ATG7: variants seen among roughly 807,000 people sequenced by gnomAD.
The protein encoded by ATG7 is autophagy related 7, also known as ubiquitin-like modifier-activating enzyme ATG7.
In ATG7, 70 loss-of-function variants were observed where a neutral mutation model predicts 82.4. The observed-to-expected ratio is 0.85, with a 90% CI of 0.70 to 1.04. ATG7 has a LOEUF of 1.04. Ranked by LOEUF, ATG7 falls within the 50% of genes least tolerant of loss-of-function variation. The pLI is 0.00. For missense variants in ATG7, 792 were observed against 864.3 expected (o/e 0.92, Z 1.05); for synonymous variants, 287 against 313.0 (o/e 0.92, Z 0.88).
In ATG7 at chr3:11,521,887, A is replaced by G. The variant is rs899948900; in HGVS notation, c.2080-32924A>G. Among the ~76,000 whole-genome samples, 5 of 152,130 alleles carry G rather than the reference A, an allele frequency of 3.3e-5. No homozygotes were observed. In the South Asian group the frequency reaches 1.0e-3, roughly 32 times the overall value. ...AAGTTTTGTGGGGAATTTTCCTGACATGGAATGACTCTAGACTGCCGCCGC... is the reference window on the plus strand; with the variant it reads ...AAGTTTTGTGGGGAATTTTCCTGACGTGGAATGACTCTAGACTGCCGCCGC... On this transcript the variant is annotated intron_variant, in intron 20 of 20. Transcript: ENST00000693202.
intron 20 of ATG7, among the ~76,000 whole-genome samples, chr3:11,533,615 G>A (rs73123036): frequency 0.016 from 2,364 of 148,610 alleles, 67 homozygotes; most frequent in African/African-American, 0.056. Context: ...CTGAAATGAC[G>A]AAAAACTCAT....
chr3:11,522,466 A>C (rs1575177600), intron 20 of ATG7, among the ~76,000 whole-genome samples: 1 of 146,160 alleles, frequency 6.8e-6, no homozygotes, highest in African/African-American at 2.4e-5. Flanking sequence ...ACGATTTATT[A>C]GTGAGATGAG....
rs902194298 is a variant in ATG7 at position 11,477,039 on chromosome 3, C to T, written c.2079+50113C>T. 41 of 1,193,912 alleles carry T rather than the reference C, an allele frequency of 3.4e-5. No individual in the cohort carries two copies. The Admixed American group carries it at 9.3e-4, about 27-fold the overall frequency. 74.0% of individuals were successfully genotyped at this position (1,193,912 alleles called of 1,614,324 possible). A position where few individuals can be genotyped will look rare whatever the true frequency, so the allele number is the denominator to read the frequency against. ...TGGCAGTCATTAAATGATTGTTATGCACAATGGGCACTTGATTATAATTAT... is the reference window on the plus strand; with the variant it reads ...TGGCAGTCATTAAATGATTGTTATGTACAATGGGCACTTGATTATAATTAT... On this transcript the variant is annotated intron_variant, in intron 20 of 20. Coordinates refer to ENST00000693202, the MANE Select transcript of ATG7 (RefSeq NM_001349232.2).
At chr3:11,445,617 C>T (rs1267335848) in intron 20 of ATG7, among the ~76,000 whole-genome samples, 1 of 152,150 alleles carries the variant, frequency 6.6e-6, no homozygotes, top group Non-Finnish European at 1.5e-5. Flanking sequence ...ATCTGTACGA[C>T]AAGTCCCCAT....
chr3:11,339,318 A>G (rs889385935), intron 11 of ATG7, among the ~76,000 whole-genome samples: 21 of 150,578 alleles, frequency 1.4e-4, no homozygotes, highest in Non-Finnish European at 8.9e-5. Context: ...AAAAAAGAAA[A>G]GAAAAGAAAA....
At chr3:11,372,459 C>T (rs900855614) in intron 18 of ATG7, among the ~76,000 whole-genome samples, 2 of 150,656 alleles carry the variant, frequency 1.3e-5, no homozygotes, top group African/African-American at 4.9e-5. Flanking sequence ...TTTAAAATCA[C>T]CTTTTTCAAG....
At chr3:11,466,460 G>T (rs551245445) in intron 20 of ATG7, among the ~76,000 whole-genome samples, 1 of 152,288 alleles carries the variant, frequency 6.6e-6, no homozygotes, top group Admixed American at 6.5e-5. Flanking sequence ...TTTCTGTTCT[G>T]CCAAGTTAGT....
chr3:11,299,174 C>A, intron 4 of ATG7, 188 bp from the exon 5 acceptor site: 1 of 615,182 alleles, frequency 1.6e-6, no homozygotes, highest in South Asian at 2.1e-5. Context: ...GTCTCATATT[C>A]ACAAGAGCTC....
intron 20 of ATG7, among the ~76,000 whole-genome samples, chr3:11,451,941 A>G (rs528012111): frequency 6.6e-4 from 93 of 140,664 alleles, no homozygotes; most frequent in African/African-American, 2.4e-3. Flanking sequence ...CTTAAATGAG[A>G]TTCTATTTTT....
intron 19 of ATG7, among the ~76,000 whole-genome samples, chr3:11,392,206 G>A (rs1559525902): frequency 6.6e-6 from 1 of 152,034 alleles, no homozygotes; most frequent in Non-Finnish European, 1.5e-5. Context: ...TTCTCAAACT[G>A]TTTATGACAA....
intron 14 of ATG7, among the ~76,000 whole-genome samples, chr3:11,355,702 C>G (rs932559040): frequency 6.6e-6 from 1 of 152,130 alleles, no homozygotes; most frequent in African/African-American, 2.4e-5. Context: ...GATTAAGAAG[C>G]CTGACAATGC....
intron 20 of ATG7, among the ~76,000 whole-genome samples, chr3:11,451,508 T>G (rs766450409): frequency 6.6e-6 from 1 of 152,128 alleles, no homozygotes; most frequent in Non-Finnish European, 1.5e-5. Flanking sequence ...GTTCAGCACA[T>G]GAGACAGGGC....
At chr3:11,387,337 G>A (rs1436811084) in intron 19 of ATG7, among the ~76,000 whole-genome samples, 3 of 152,212 alleles carry the variant, frequency 2.0e-5, no homozygotes, top group African/African-American at 7.2e-5. Flanking sequence ...CTTTTGACCT[G>A]TGGTTTTTAA....
chr3:11,518,256 CTGAGCCGAGGCTG>C (rs2092337877), intron 20 of ATG7, among the ~76,000 whole-genome samples: 1 of 70,626 alleles, frequency 1.4e-5, no homozygotes, highest in Non-Finnish European at 3.6e-5. Context: ...ATTGAAAAAC[CTGAGCCGAGGCTG>C]GGCACAGTGG....
At chr3:11,458,932 G>T (rs1054788638) in intron 20 of ATG7, among the ~76,000 whole-genome samples, 1 of 152,112 alleles carries the variant, frequency 6.6e-6, no homozygotes, top group African/African-American at 2.4e-5. Context: ...GAACACAATT[G>T]TGAACTGTTC....
intron 20 of ATG7, among the ~76,000 whole-genome samples, chr3:11,499,475 G>A (rs920468134): frequency 1.3e-5 from 2 of 152,168 alleles, no homozygotes; most frequent in Non-Finnish European, 2.9e-5. Context: ...GCCAGGCGCA[G>A]TGGCTCACGC....
At chr3:11,426,780 T>C (rs2082398140) in intron 19 of ATG7, 24 bp from the exon 20 acceptor site, 1 of 1,544,034 alleles carries the variant, frequency 6.5e-7, no homozygotes, top group African/African-American at 1.4e-5. Context: ...AGACTCCTTT[T>C]TAAAAAATGT....
intron 20 of ATG7, among the ~76,000 whole-genome samples, chr3:11,469,829 A>G (rs1439798992): frequency 6.6e-6 from 1 of 151,818 alleles, no homozygotes; most frequent in Non-Finnish European, 1.5e-5. Flanking sequence ...TCCACTAAAA[A>G]TACCAAAAAA....
chr3:11,569,684 G>A, the ATG7 span, among the ~76,000 whole-genome samples: 1 of 152,198 alleles, frequency 6.6e-6, no homozygotes, highest in Non-Finnish European at 1.5e-5. Flanking sequence ...CTGAGAACTG[G>A]CAGGACAGCC....
Sources: allele counts gnomAD v4.1 joint callset (sites outside exome capture counted in the v4.1 genomes callset), GRCh38; gene constraint gnomAD v4.1.1; transcripts MANE v1.5; gene names NCBI Gene and HGNC (gene_info 2026-07-23, HGNC 2026-07-21).